CACYBP: variants seen among roughly 807,000 people sequenced by gnomAD.
CACYBP encodes the protein calcyclin binding protein.
A neutral mutation model predicts 29.6 loss-of-function variants in CACYBP; 11 were observed. The ratio of observed to expected loss-of-function variants is 0.37; its 90% CI spans 0.23 to 0.61. The LOEUF is 0.61. Among genes scored for constraint, CACYBP ranks in the 20% least tolerant of loss-of-function variants. The probability of loss-of-function intolerance (pLI) is 0.65; values close to 1 mark genes in which losing one functional copy is unlikely to be tolerated. For missense variants in CACYBP, 163 were observed against 260.7 expected (o/e 0.63, Z 2.58); for synonymous variants, 73 against 88.3 (o/e 0.83, Z 0.97).
chr1:175,010,360 C>CA lies in CACYBP; in HGVS notation c.*283dup, dbSNP rs1402244167. On this transcript the variant is annotated 3_prime_UTR_variant, in exon 6 of 6. Coordinates refer to ENST00000367679, the MANE Select transcript of CACYBP (RefSeq NM_014412.3). Reference sequence around the variant, plus strand: ...TGAAATATAAAAAGCAAGTCTTGCCCAATAAAAACGCTACATTGTGTGTAT... The same window carrying CA: ...TGAAATATAAAAAGCAAGTCTTGCCCAAATAAAAACGCTACATTGTGTGTAT... 9.2e-6 allele frequency: 2 copies of CA among 218,332 alleles called. No individual in the cohort carries two copies. Among genetic ancestry groups the CA allele is most frequent in the African/African-American group, 4.6e-5 (2 of 43,950 alleles). 13.5% of individuals were successfully genotyped at this position (218,332 alleles called of 1,614,324 possible).
At chr1:175,001,191 A>G (rs886510930) in intron 1 of CACYBP, among the ~76,000 whole-genome samples, 7 of 152,342 alleles carry the variant, frequency 4.6e-5, no homozygotes, top group Non-Finnish European at 1.0e-4. Context: ...CTTGGGTACT[A>G]TGTGCCCCTA....
chr1:175,004,690 C>T lies in CACYBP; in HGVS notation c.92C>T (p.Ala31Val), dbSNP rs751081794. ...TRKRVRDALTAEKSKIETEIK... is the reference protein window; with the variant it reads ...TRKRVRDALTVEKSKIETEIK... ...AAAAGAGTACGTGATGCCCTTACAG[C>T]TGAAAAATCCAAGATTGAGACAGAA... is the stretch of plus-strand genomic sequence containing the variant. Residue 31 changes from alanine to valine, a missense_variant, in exon 2 of 6, where the codon GCT becomes GTT. Physicochemically the swap from Ala to Val is moderately conservative, Grantham distance 64. Transcript: ENST00000367679. The T allele has an allele frequency of 1.9e-6, 3 of 1,613,742 alleles. No homozygotes were observed. The highest frequency in any genetic ancestry group is 3.3e-5 in the Admixed American group (2 of 59,994).
intron 2 of CACYBP, among the ~76,000 whole-genome samples, chr1:175,005,423 G>A (rs753677632): frequency 4.0e-4 from 61 of 152,174 alleles, no homozygotes; most frequent in Non-Finnish European, 7.4e-4. Context: ...TTGGAGCAAG[G>A]ACAGTCTTGT....
At position 175,010,816 on chromosome 1, in the gene CACYBP, T is replaced by TTTA. The variant is rs1363075134; in HGVS notation, c.*740_*742dup. ...TTTCTTCATTAGAACAGTTTTATGA[T>TTTA]TTATTTGTCTAGGAGTATGTCAGAA... On this transcript the variant is annotated 3_prime_UTR_variant, in exon 6 of 6. Transcript: ENST00000367679. 1 of 152,176 alleles carries TTTA rather than the reference T, an allele frequency of 6.6e-6. No individual in the cohort carries two copies. The highest frequency in any genetic ancestry group is 1.5e-5 in the Non-Finnish European group (1 of 68,022). 9.4% of individuals were successfully genotyped at this position (152,176 alleles called of 1,614,324 possible).
At chr1:175,008,008 T>C (rs554318026) in intron 4 of CACYBP, among the ~76,000 whole-genome samples, 173 of 152,316 alleles carry the variant, frequency 1.1e-3, no homozygotes, top group African/African-American at 3.0e-3. Context: ...ATTCGCTGTC[T>C]TACTGCACCC....
At chr1:175,000,656 G>A in intron 1 of CACYBP, 1 of 992,808 alleles carries the variant, frequency 1.0e-6, no homozygotes. Flanking sequence ...CTACACACGA[G>A]GAGCTGTGTT....
intron 2 of CACYBP, among the ~76,000 whole-genome samples, chr1:175,005,269 G>C (rs975406846): frequency 1.3e-5 from 2 of 152,182 alleles, no homozygotes; most frequent in African/African-American, 4.8e-5. Flanking sequence ...CAGTGACTAA[G>C]ACCCAGTCCT....
At chr1:175,002,130 T>G (rs1227410211) in intron 1 of CACYBP, among the ~76,000 whole-genome samples, 1 of 152,208 alleles carries the variant, frequency 6.6e-6, no homozygotes, top group Non-Finnish European at 1.5e-5. Context: ...TTCAGTTCTC[T>G]GGGGTATATA....
chr1:175,005,222 G>A (rs1353856581), intron 2 of CACYBP, among the ~76,000 whole-genome samples: 3 of 152,160 alleles, frequency 2.0e-5, no homozygotes, highest in Non-Finnish European at 2.9e-5. Context: ...AGCACCTAAT[G>A]TGTATCACTA....
intron 3 of CACYBP, 63 bp downstream of exon 3, chr1:175,006,904 C>T: frequency 1.0e-6 from 1 of 973,276 alleles, no homozygotes; most frequent in South Asian, 1.4e-5. Context: ...TATCTTGAGA[C>T]TCTCTTCTTT....
chr1:175,007,460 C>A (rs978319849), intron 4 of CACYBP, among the ~76,000 whole-genome samples: 1 of 152,078 alleles, frequency 6.6e-6, no homozygotes. Flanking sequence ...ATGCGGCCCT[C>A]GACAGAGAAC....
chr1:174,999,504 C>T (rs1672401376), upstream of CACYBP: 1 of 155,364 alleles, frequency 6.4e-6, no homozygotes, highest in South Asian at 1.7e-4. Context: ...GAGCCCTCCA[C>T]GCTTAACATA....
At chr1:174,999,662 CAACT>C, upstream of CACYBP, 1 of 233,366 alleles carries the variant, frequency 4.3e-6, no homozygotes. Flanking sequence ...ACTCTCTAGT[CAACT>C]TCCGACTTGG....
In CACYBP at chr1:175,010,328, T is replaced by C. The variant is rs1425267007; in HGVS notation, c.*249T>C. On this transcript the variant is annotated 3_prime_UTR_variant, in exon 6 of 6. Coordinates refer to ENST00000367679, the MANE Select transcript of CACYBP (RefSeq NM_014412.3). ...TGTTCAAGGAAGGGTTATATTGCATTCTCACGTGAAATATAAAAAGCAAGT... is the reference window on the plus strand; with the variant it reads ...TGTTCAAGGAAGGGTTATATTGCATCCTCACGTGAAATATAAAAAGCAAGT... The C allele has an allele frequency of 3.5e-6, 1 of 284,364 alleles. No homozygotes were observed. The highest frequency in any genetic ancestry group is 2.2e-5 in the African/African-American group (1 of 45,900). The allele number at this position is 284,364 out of a possible 1,614,324, so 17.6% of individuals were successfully genotyped here. A position where few individuals can be genotyped will look rare whatever the true frequency, so the allele number is the denominator to read the frequency against.
At chr1:175,007,066 A>G (rs1232524526) in intron 3 of CACYBP, 32 bp from the exon 4 acceptor site, 4 of 1,380,286 alleles carry the variant, frequency 2.9e-6, no homozygotes, top group Admixed American at 3.5e-5. Flanking sequence ...TCATAGAACT[A>G]GAAAGATGAT....
chr1:175,008,980 C>A, intron 5 of CACYBP: 1 of 290,370 alleles, frequency 3.4e-6, no homozygotes, highest in Admixed American at 5.0e-5. Context: ...CTTAGGTACC[C>A]CTGTATGTTT....
intron 2 of CACYBP, among the ~76,000 whole-genome samples, chr1:175,005,893 TTTAA>T (rs1339643360): frequency 6.6e-6 from 1 of 152,176 alleles, no homozygotes; most frequent in East Asian, 1.9e-4. Context: ...ACTGTTTCTT[TTTAA>T]TTTTCGAGGG....
intron 2 of CACYBP, 39 bp from the exon 3 acceptor site, chr1:175,006,706 G>A: frequency 9.8e-7 from 1 of 1,016,772 alleles, no homozygotes; most frequent in Non-Finnish European, 1.6e-6. Context: ...GATAGTTTCA[G>A]AGGCTTACTT....
At position 175,010,125 on chromosome 1, in the gene CACYBP, G is replaced by C; in HGVS notation, c.*46G>C. The C allele has an allele frequency of 6.7e-7, 1 of 1,495,892 alleles. No individual in the cohort carries two copies. Among genetic ancestry groups the C allele is most frequent in the Non-Finnish European group, 9.2e-7 (1 of 1,084,226 alleles). The allele number at this position is 1,495,892 out of a possible 1,614,324, so 92.7% of individuals were successfully genotyped here. A position where few individuals can be genotyped will look rare whatever the true frequency, so the allele number is the denominator to read the frequency against. ...AACTGTGATGTGATGTGGAAATACT[G>C]ATGTTTCCAGTAAGGGAATATTGGT... On this transcript the variant is annotated 3_prime_UTR_variant, in exon 6 of 6. Transcript: ENST00000367679.
Sources: allele counts gnomAD v4.1 joint callset (sites outside exome capture counted in the v4.1 genomes callset), GRCh38; gene constraint gnomAD v4.1.1; transcripts MANE v1.5; gene names NCBI Gene and HGNC (gene_info 2026-07-23, HGNC 2026-07-21).